Variants in PKNOX2 observed in about 807,000 individuals in gnomAD.
PKNOX2 encodes the protein homeobox protein PKNOX2.
In PKNOX2, 14 loss-of-function variants were observed where a neutral mutation model predicts 53.1. The ratio of observed to expected loss-of-function variants is 0.26; its 90% CI spans 0.17 to 0.41. The LOEUF (loss-of-function observed/expected upper bound fraction) is 0.41, where lower values mean the gene tolerates loss of function less well. Among genes scored for constraint, PKNOX2 ranks in the 10% least tolerant of loss-of-function variants. The probability of loss-of-function intolerance (pLI) is 1.00; values close to 1 mark genes in which losing one functional copy is unlikely to be tolerated. For missense variants in PKNOX2, 496 were observed against 602.8 expected, an observed-to-expected ratio of 0.82 and a Z score of 1.85; for synonymous variants, 257 against 242.8, an observed-to-expected ratio of 1.06 and a Z score of -0.54.
intron 5 of PKNOX2, among the ~76,000 whole-genome samples, chr11:125,375,460 AGAG>A: frequency 6.6e-6 from 1 of 152,284 alleles, no homozygotes; most frequent in African/African-American, 2.4e-5. Flanking sequence ...TACATGGGAG[AGAG>A]GGGAGAGCAC....
At chr11:125,394,610 C>T (rs1211080583) in intron 6 of PKNOX2, among the ~76,000 whole-genome samples, 2 of 152,254 alleles carry the variant, frequency 1.3e-5, no homozygotes, top group East Asian at 1.9e-4. Flanking sequence ...TCTCTACACA[C>T]ACCTCACAGT....
chr11:125,204,141 GT>G (rs774570512), intron 1 of PKNOX2, among the ~76,000 whole-genome samples: 39 of 152,304 alleles, frequency 2.6e-4, no homozygotes, highest in Admixed American at 3.3e-4. Context: ...AAGAATCCCA[GT>G]GACCAGGTGA....
At chr11:125,271,414 T>C (rs1045087563) in intron 2 of PKNOX2, among the ~76,000 whole-genome samples, 3 of 152,248 alleles carry the variant, frequency 2.0e-5, no homozygotes. Context: ...CAGTGTTCCA[T>C]GCTCTCCTTT....
At chr11:125,427,643 T>C (rs1228370856) in intron 10 of PKNOX2, among the ~76,000 whole-genome samples, 1 of 152,232 alleles carries the variant, frequency 6.6e-6, no homozygotes, top group Non-Finnish European at 1.5e-5. Flanking sequence ...CTAGTCATAA[T>C]AGAGCCAGAT....
chr11:125,328,133 GCTGGAGGCCA>G (rs1949932356), intron 2 of PKNOX2, among the ~76,000 whole-genome samples: 1 of 152,158 alleles, frequency 6.6e-6, no homozygotes, highest in South Asian at 2.1e-4. Context: ...AGAGACAGAG[GCTGGAGGCCA>G]CACCAGGCAG....
At chr11:125,419,691 T>C (rs1444617281) in intron 10 of PKNOX2, among the ~76,000 whole-genome samples, 1 of 151,688 alleles carries the variant, frequency 6.6e-6, no homozygotes, top group African/African-American at 2.4e-5. Flanking sequence ...CACAGATTAG[T>C]ACGAATTAGT....
intron 1 of PKNOX2, among the ~76,000 whole-genome samples, chr11:125,202,845 C>A (rs552701670): frequency 5.1e-4 from 77 of 152,194 alleles, no homozygotes; most frequent in Admixed American, 1.4e-3. Context: ...TAGAGATGGG[C>A]AAATTAACTC....
At chr11:125,255,077 A>C (rs1944313847) in intron 2 of PKNOX2, among the ~76,000 whole-genome samples, 1 of 152,258 alleles carries the variant, frequency 6.6e-6, no homozygotes, top group South Asian at 2.1e-4. Context: ...ATTCCAGATT[A>C]ATGCCCATTT....
intron 2 of PKNOX2, among the ~76,000 whole-genome samples, chr11:125,327,894 TC>T (rs1428896153): frequency 6.6e-6 from 1 of 152,202 alleles, no homozygotes; most frequent in Non-Finnish European, 1.5e-5. Context: ...TGGTGTCACC[TC>T]TGATCGTCCT....
chr11:125,194,407 T>C (rs1313175329), intron 1 of PKNOX2, among the ~76,000 whole-genome samples: 2 of 152,156 alleles, frequency 1.3e-5, no homozygotes, highest in Admixed American at 6.5e-5. Flanking sequence ...CTAGAAGATA[T>C]TGAGCAGGTG....
chr11:125,269,219 G>T (rs1000190045), intron 2 of PKNOX2, among the ~76,000 whole-genome samples: 1 of 152,018 alleles, frequency 6.6e-6, no homozygotes, highest in Admixed American at 6.6e-5. Context: ...CCTCGATAAC[G>T]CTTGTCAGAT....
intron 5 of PKNOX2, among the ~76,000 whole-genome samples, chr11:125,383,731 A>G (rs899765179): frequency 6.6e-6 from 1 of 152,246 alleles, no homozygotes; most frequent in Non-Finnish European, 1.5e-5. Context: ...TCCTAGTTAC[A>G]GCAGCCATAT....
chr11:125,196,057 A>G (rs1937646887), intron 1 of PKNOX2, among the ~76,000 whole-genome samples: 1 of 152,192 alleles, frequency 6.6e-6, no homozygotes, highest in Admixed American at 6.5e-5. Flanking sequence ...AGCATTCTGC[A>G]TGGCTTGGCT....
intron 6 of PKNOX2, among the ~76,000 whole-genome samples, chr11:125,392,925 A>C (rs1277428856): frequency 6.6e-6 from 1 of 152,006 alleles, no homozygotes; most frequent in African/African-American, 2.4e-5. Flanking sequence ...TTGGGAGGCC[A>C]AGGTGGGCGG....
intron 7 of PKNOX2, among the ~76,000 whole-genome samples, chr11:125,400,392 C>T (rs1178254837): frequency 6.6e-6 from 1 of 152,216 alleles, no homozygotes; most frequent in Non-Finnish European, 1.5e-5. Context: ...CCATGCATCT[C>T]TTAAGCTTCT....
chr11:125,204,556 G>A (rs2076848028), intron 1 of PKNOX2, among the ~76,000 whole-genome samples: 1 of 152,266 alleles, frequency 6.6e-6, no homozygotes, highest in Middle Eastern at 3.4e-3. Flanking sequence ...ATCCCAGTTT[G>A]CCTGGGACTC....
At chr11:125,265,273 C>T (rs901869158) in intron 2 of PKNOX2, among the ~76,000 whole-genome samples, 3 of 150,480 alleles carry the variant, frequency 2.0e-5, no homozygotes, top group South Asian at 2.1e-4. Flanking sequence ...AGCAACAGAG[C>T]GAGACTCTGT....
intron 5 of PKNOX2, among the ~76,000 whole-genome samples, chr11:125,381,847 C>T (rs1451330838): frequency 6.6e-6 from 1 of 152,218 alleles, no homozygotes; most frequent in East Asian, 1.9e-4. Flanking sequence ...AACGCCAGTC[C>T]CTTAGCTCCT....
intron 3 of PKNOX2, among the ~76,000 whole-genome samples, chr11:125,337,130 T>C (rs1204221874): frequency 6.6e-6 from 1 of 152,198 alleles, no homozygotes; most frequent in Non-Finnish European, 1.5e-5. Flanking sequence ...TAGGTGATTA[T>C]AAGATGGAAA....
Sources: allele counts gnomAD v4.1 joint callset (sites outside exome capture counted in the v4.1 genomes callset), GRCh38; gene constraint gnomAD v4.1.1; transcripts MANE v1.5; gene names NCBI Gene and HGNC (gene_info 2026-07-23, HGNC 2026-07-21).